FRMPD2: variants seen among roughly 807,000 people sequenced by gnomAD.
The protein encoded by FRMPD2 is FERM and PDZ domain containing 2.
A neutral mutation model predicts 140.1 loss-of-function variants in FRMPD2; 96 were observed. The ratio of observed to expected loss-of-function variants is 0.69; its 90% CI spans 0.58 to 0.81. The LOEUF is 0.81. Among genes scored for constraint, FRMPD2 ranks in the 40% least tolerant of loss-of-function variants. The pLI is 0.00. For missense variants in FRMPD2, 1,240 were observed against 1,447.4 expected (o/e 0.86, Z 2.32); for synonymous variants, 449 against 547.6 (o/e 0.82, Z 2.52).
At chr10:48,260,741 A>C (rs957481955) in intron 1 of FRMPD2, among the ~76,000 whole-genome samples, 1 of 152,202 alleles carries the variant, frequency 6.6e-6, no homozygotes, top group African/African-American at 2.4e-5. Context: ...TTCAACAAAA[A>C]ATTACAAGTC....
chr10:48,192,304 A>T (rs920868654), intron 16 of FRMPD2, among the ~76,000 whole-genome samples: 4 of 152,184 alleles, frequency 2.6e-5, no homozygotes, highest in African/African-American at 9.7e-5. Flanking sequence ...TTTCTTGGCC[A>T]GGCTTGGTGG....
chr10:48,235,186 C>T (rs76710036), intron 9 of FRMPD2, among the ~76,000 whole-genome samples: 1,897 of 152,268 alleles, frequency 0.012, 29 homozygotes, highest in African/African-American at 0.036. Context: ...CACCAGCCTC[C>T]TTAGCTTTAG....
At chr10:48,253,832 C>A (rs1232525259) in intron 1 of FRMPD2, among the ~76,000 whole-genome samples, 1 of 152,110 alleles carries the variant, frequency 6.6e-6, no homozygotes, top group Non-Finnish European at 1.5e-5. Flanking sequence ...TTGATTGGAA[C>A]CCTTTTTTCT....
intron 12 of FRMPD2, among the ~76,000 whole-genome samples, chr10:48,214,729 T>A (rs1839406983): frequency 6.6e-6 from 1 of 152,240 alleles, no homozygotes; most frequent in Admixed American, 6.5e-5. Context: ...CTTATTTTTA[T>A]GGCATTTATA....
At chr10:48,242,550 C>G (rs912755818) in intron 4 of FRMPD2, among the ~76,000 whole-genome samples, 198 bp from the exon 5 acceptor site, 1 of 152,270 alleles carries the variant, frequency 6.6e-6, no homozygotes, top group Admixed American at 6.5e-5. Context: ...GCAATCATCT[C>G]TGCAGCAATT....
Position 48,187,194 on chromosome 10 carries a change from G to A in FRMPD2, c.2264C>T (p.Ala755Val), listed in dbSNP as rs114243389. 6 of 1,612,188 alleles carry A rather than the reference G, an allele frequency of 3.7e-6. No homozygotes were observed. The highest frequency in any genetic ancestry group is 5.1e-6 in the Non-Finnish European group (6 of 1,178,488). ...CCTGGTCGTGGCCTGGCCCATACCT[G>A]CATGCATGCTCTGAACAGGTGGTCC... Reference protein sequence around the residue: ...LSGPPVQSMHAGSKNNRRKSF... With the variant: ...LSGPPVQSMHVGSKNNRRKSF... Residue 755 changes from alanine to valine, a missense_variant and splice_region_variant, in exon 17 of 29, where the codon GCA becomes GTA. Ala to Val is a moderately conservative substitution (Grantham distance 64, BLOSUM62 0). Coordinates refer to ENST00000374201, the MANE Select transcript of FRMPD2 (RefSeq NM_001018071.4).
chr10:48,229,827 C>T (rs552250816), intron 10 of FRMPD2, among the ~76,000 whole-genome samples: 3 of 152,174 alleles, frequency 2.0e-5, no homozygotes, highest in South Asian at 2.1e-4. Context: ...CTTTTCTAAA[C>T]GCATTTGCAA....
rs1366532282 is a variant in FRMPD2, at chr10:48,201,401, C to G, written c.1798-17G>C. 8.7e-6 allele frequency: 14 copies of G among 1,611,868 alleles called. No homozygotes were observed. Among genetic ancestry groups the G allele is most frequent in the Non-Finnish European group, 8.5e-6 (10 of 1,178,752 alleles). On this transcript the variant is annotated splice_polypyrimidine_tract_variant and intron_variant, in intron 14 of 28. Transcript: ENST00000374201. ...CTTTTTTTGCTGAAGGAAGCAAACA[C>G]AGACTTTAATACACTGATCATCCAC...
intron 1 of FRMPD2, among the ~76,000 whole-genome samples, chr10:48,260,447 G>T (rs1840566559): frequency 6.6e-6 from 1 of 152,132 alleles, no homozygotes; most frequent in African/African-American, 2.4e-5. Flanking sequence ...TCTCCTTCCT[G>T]TGTCTTTTGT....
In FRMPD2 at chr10:48,192,857, AGGACTCAAATT is replaced by A. The variant is rs1156598912; in HGVS notation, c.1981_1991del (p.Asn661CysfsTer7). The stretch of plus-strand genomic sequence containing the variant: ...GAGGCTTAGACCGGGCCTGGTGTGC[AGGACTCAAATT>A]GGCCATTTGCACAAACTTATCATGG... On this transcript the variant is annotated frameshift_variant, in exon 16 of 29. Coordinates refer to ENST00000374201, the MANE Select transcript of FRMPD2 (RefSeq NM_001018071.4). LOFTEE classifies it high-confidence loss of function. 6.2e-7 allele frequency: 1 copy of A among 1,614,010 alleles called. No homozygotes were observed. Among genetic ancestry groups the A allele is most frequent in the African/African-American group, 1.3e-5 (1 of 74,942 alleles).
intron 4 of FRMPD2, 118 bp from the exon 5 acceptor site, chr10:48,242,470 C>T (rs1840145075): frequency 2.5e-6 from 2 of 791,616 alleles, no homozygotes; most frequent in Non-Finnish European, 4.0e-6. Flanking sequence ...AGCACCAGAG[C>T]AGATGCCTGC....
chr10:48,206,889 T>C lies in FRMPD2; in HGVS notation c.1656A>G (p.Val552=), dbSNP rs138228735. The part of the protein sequence containing the change: ...LPEYGVLVHQ[V]FSEKRRPEEE... Reference sequence around the variant, plus strand: ...CTTCTGGCCTCCTCTTCTCTGAGAATACTTGGTGAACCAGCACACCGTATT... The same window carrying C: ...CTTCTGGCCTCCTCTTCTCTGAGAACACTTGGTGAACCAGCACACCGTATT... The change falls in exon 14 of 29, where the codon GTA becomes GTG. Residue 552 remains valine (V), a synonymous_variant. Transcript: ENST00000374201. 91 of 1,613,952 alleles carry C rather than the reference T, an allele frequency of 5.6e-5. No homozygotes were observed. The highest frequency in any genetic ancestry group is 7.4e-5 in the Non-Finnish European group (87 of 1,179,948).
At chr10:48,237,738 G>T (rs994182723) in intron 8 of FRMPD2, among the ~76,000 whole-genome samples, 3 of 152,146 alleles carry the variant, frequency 2.0e-5, no homozygotes, top group African/African-American at 7.2e-5. Context: ...GCTTCCTCTA[G>T]GGTGGGACCC....
At chr10:48,256,903 G>C (rs1840500675) in intron 1 of FRMPD2, among the ~76,000 whole-genome samples, 1 of 152,188 alleles carries the variant, frequency 6.6e-6, no homozygotes. Flanking sequence ...ATGGTTTCCT[G>C]TGCCTTCTAT....
chr10:48,207,550 G>T (rs1839229202), intron 13 of FRMPD2, among the ~76,000 whole-genome samples: 1 of 152,184 alleles, frequency 6.6e-6, no homozygotes, highest in Non-Finnish European at 1.5e-5. Flanking sequence ...TTTGCCAGGG[G>T]CCATGGGTCA....
rs1271604573 is a variant in FRMPD2, at chr10:48,192,823, T to C, written c.2026A>G (p.Ile676Val). 1.9e-6 allele frequency: 3 copies of C among 1,614,158 alleles called. No homozygotes were observed. In the Admixed American group the frequency reaches 5.0e-5, roughly 27 times the overall value. The change falls in exon 16 of 29, where the codon ATT becomes GTT. Residue 676 changes from isoleucine to valine, a missense_variant. Physicochemically the swap from Ile to Val is conservative, Grantham distance 29. Transcript: ENST00000374201. ...TTTTCTGAGCATGACAATCTCTGAA[T>C]CCAAATGAGAGGCTTAGACCGGGCC... is the stretch of plus-strand genomic sequence containing the variant. ...HQARSKPLIW[I>V]QRLSCSENEL...
In FRMPD2 at chr10:48,238,077, G is replaced by T. The variant is rs144159326; in HGVS notation, c.835C>A (p.Leu279Ile). ...GCCGAGTGCACAGATCCAGAGCTGAGCCTCCGGCCCGCCTGCTGGTCCTGG... is the reference window on the plus strand; with the variant it reads ...GCCGAGTGCACAGATCCAGAGCTGATCCTCCGGCCCGCCTGCTGGTCCTGG... ...DPQDQQAGRR[L>I]SSGSVHSAAD... is the part of the protein sequence containing the mutation. The change falls in exon 8 of 29, where the codon CTC (leucine) becomes ATC (isoleucine). Residue 279 changes from leucine to isoleucine, a missense_variant. Around this residue, in one of 6 missense-constraint regions of FRMPD2, gnomAD observed 1,161 missense variants for 1,055.9 expected, o/e 1.10. Coordinates refer to ENST00000374201, the MANE Select transcript of FRMPD2 (RefSeq NM_001018071.4). 1,968 of 1,613,810 alleles carry T rather than the reference G, an allele frequency of 1.2e-3. 23 individuals are homozygous for T. The highest frequency in any genetic ancestry group is 0.011 in the South Asian group (985 of 91,082).
intron 1 of FRMPD2, among the ~76,000 whole-genome samples, chr10:48,259,146 C>T (rs960374019): frequency 2.6e-5 from 4 of 152,104 alleles, no homozygotes; most frequent in Non-Finnish European, 4.4e-5. Context: ...GTAATGTGAC[C>T]GCAGTGTGTA....
At chr10:48,188,241 G>T (rs1838738579) in intron 16 of FRMPD2, among the ~76,000 whole-genome samples, 1 of 152,156 alleles carries the variant, frequency 6.6e-6, no homozygotes, top group Non-Finnish European at 1.5e-5. Context: ...GTTACCCATG[G>T]ATCCACCCCC....
Sources: allele counts gnomAD v4.1 joint callset (sites outside exome capture counted in the v4.1 genomes callset), GRCh38; gene constraint gnomAD v4.1.1; regional missense constraint gnomAD v4.1.1; transcripts MANE v1.5; gene names NCBI Gene and HGNC (gene_info 2026-07-23, HGNC 2026-07-21).